CLPB: variants seen among roughly 807,000 people sequenced by gnomAD.
The protein encoded by CLPB is mitochondrial disaggregase.
Under a neutral mutation model 78.4 loss-of-function variants are expected in CLPB, and 40 were observed. The ratio of observed to expected loss-of-function variants is 0.51; its 90% CI spans 0.40 to 0.66. CLPB has a LOEUF of 0.66. Among genes scored for constraint, CLPB ranks in the 30% least tolerant of loss-of-function variants. The pLI is 0.00. For synonymous variants in CLPB, 333 were observed against 348.0 expected (o/e 0.96, Z 0.48); for missense variants, 780 against 886.9 (o/e 0.88, Z 1.53).
At chr11:72,374,953 G>T (rs1012709008) in intron 4 of CLPB, among the ~76,000 whole-genome samples, 5 of 152,148 alleles carry the variant, frequency 3.3e-5, no homozygotes, top group African/African-American at 1.2e-4. Flanking sequence ...ACTCCTTTGA[G>T]CTCTCCAGAC....
Position 72,295,447 on chromosome 11 carries a change from G to A in CLPB, c.1486+45C>T, listed in dbSNP as rs559434286. On this transcript the variant is annotated intron_variant, in intron 12 of 15. Transcript: ENST00000538039. The stretch of plus-strand genomic sequence containing the variant: ...CCCATCCTTCCCCAGGAGATAGGCT[G>A]GTGGCTTGGTCACTGGACCAGACTG... 8.8e-6 allele frequency: 14 copies of A among 1,596,092 alleles called. No individual in the cohort carries two copies. The Admixed American group carries it at 2.0e-4, about 23-fold the overall frequency.
chr11:72,324,005 A>T (rs1315106659), intron 6 of CLPB, among the ~76,000 whole-genome samples: 1 of 152,140 alleles, frequency 6.6e-6, no homozygotes, highest in Non-Finnish European at 1.5e-5. Flanking sequence ...AGCAAGTATG[A>T]TAAGATGTTA....
chr11:72,303,658 A>G (rs926670042), intron 9 of CLPB, among the ~76,000 whole-genome samples: 2 of 152,224 alleles, frequency 1.3e-5, no homozygotes, highest in African/African-American at 4.8e-5. Context: ...GGGGGAAAGC[A>G]CTGCTATCAG....
chr11:72,396,770 A>G (rs1347331377), intron 3 of CLPB, among the ~76,000 whole-genome samples: 3 of 152,232 alleles, frequency 2.0e-5, no homozygotes, highest in Non-Finnish European at 4.4e-5. Flanking sequence ...ATCATCAACA[A>G]TAAGAATTCA....
chr11:72,298,385 C>T (rs978916771), intron 11 of CLPB, among the ~76,000 whole-genome samples: 1 of 152,210 alleles, frequency 6.6e-6, no homozygotes, highest in South Asian at 2.1e-4. Flanking sequence ...TTTTAGCTGC[C>T]TGTCTCCGCA....
At chr11:72,326,527 T>A (rs999746285) in intron 6 of CLPB, among the ~76,000 whole-genome samples, 8 of 152,248 alleles carry the variant, frequency 5.3e-5, no homozygotes, top group Non-Finnish European at 8.8e-5. Flanking sequence ...ACAAGTTTTC[T>A]ATGAGCATAA....
At chr11:72,386,537 A>G (rs999021978) in intron 3 of CLPB, among the ~76,000 whole-genome samples, 2 of 152,236 alleles carry the variant, frequency 1.3e-5, no homozygotes, top group African/African-American at 4.8e-5. Context: ...CAACAGGCAC[A>G]GTATCTGATT....
chr11:72,306,137 C>G (rs187808011), intron 9 of CLPB, among the ~76,000 whole-genome samples: 1 of 152,196 alleles, frequency 6.6e-6, no homozygotes. Flanking sequence ...GGGTCTGCTC[C>G]AGGTTTGGTG....
At chr11:72,431,607 G>A (rs1856547107) in intron 1 of CLPB, among the ~76,000 whole-genome samples, 2 of 152,114 alleles carry the variant, frequency 1.3e-5, no homozygotes, top group South Asian at 2.1e-4. Flanking sequence ...TTACCTTACC[G>A]GATGTACCTA....
At chr11:72,431,831 C>T (rs1243798687) in intron 1 of CLPB, among the ~76,000 whole-genome samples, 4 of 152,212 alleles carry the variant, frequency 2.6e-5, no homozygotes, top group African/African-American at 4.8e-5. Context: ...AACTCTAAGT[C>T]AGGGGACAGG....
At chr11:72,409,723 A>G (rs1855818547) in intron 2 of CLPB, among the ~76,000 whole-genome samples, 1 of 152,184 alleles carries the variant, frequency 6.6e-6, no homozygotes, top group Non-Finnish European at 1.5e-5. Flanking sequence ...CACACCTGTA[A>G]TCCCAGCACT....
In CLPB at chr11:72,293,447, T is replaced by C; in HGVS notation, c.1954A>G (p.Ile652Val). The C allele has an allele frequency of 6.2e-7, 1 of 1,614,116 alleles. No homozygotes were observed. Among genetic ancestry groups the C allele is most frequent in the Non-Finnish European group, 8.5e-7 (1 of 1,180,002 alleles). ...EKRLPKLRLE[I>V]IDKDSKTRRL... is the part of the protein sequence containing the mutation. ...CGAGTCTTGCTGTCCTTGTCGATGA[T>C]CTCCAGACGCAGCTTGGGGAGGCGC... is the stretch of plus-strand genomic sequence containing the variant. The change falls in exon 16 of 16, where the codon ATC becomes GTC. Residue 652 changes from isoleucine to valine, a missense_variant. Ile to Val is a conservative substitution (Grantham distance 29, BLOSUM62 3). Transcript: ENST00000538039.
chr11:72,286,230 T>G lies in CLPB; in HGVS notation c.*7137A>C, dbSNP rs1254229596. 1 of 134,076 alleles carries G rather than the reference T, an allele frequency of 7.5e-6. No homozygotes were observed. Among genetic ancestry groups the G allele is most frequent in the Non-Finnish European group, 1.6e-5 (1 of 62,396 alleles). The allele number at this position is 134,076 out of a possible 1,614,324, so 8.3% of individuals were successfully genotyped here. ...GTGTGAGATACTGCACCTGTTTTTT[T>G]TTTTTTTTTTTTTTTTAAGAGATAG... On this transcript the variant is annotated 3_prime_UTR_variant, in exon 16 of 16. Coordinates refer to ENST00000538039, the MANE Select transcript of CLPB (RefSeq NM_001258392.3).
chr11:72,325,620 G>C (rs1373296890), intron 6 of CLPB, among the ~76,000 whole-genome samples: 5 of 152,112 alleles, frequency 3.3e-5, no homozygotes, highest in African/African-American at 1.2e-4. Flanking sequence ...TAAAAAATTA[G>C]GCTTATGGAT....
intron 5 of CLPB, among the ~76,000 whole-genome samples, chr11:72,355,838 C>A (rs996507541): frequency 6.6e-6 from 1 of 152,170 alleles, no homozygotes; most frequent in South Asian, 2.1e-4. Context: ...GTCTGGGGAC[C>A]CTAAATCCCT....
intron 5 of CLPB, among the ~76,000 whole-genome samples, chr11:72,346,600 G>A (rs899415991): frequency 7.4e-5 from 11 of 149,536 alleles, no homozygotes; most frequent in African/African-American, 2.5e-4. Flanking sequence ...AAAAAAAAAA[G>A]ATGGAGATAT....
intron 5 of CLPB, among the ~76,000 whole-genome samples, chr11:72,332,164 C>T (rs915632953): frequency 1.3e-5 from 2 of 151,932 alleles, no homozygotes; most frequent in Non-Finnish European, 2.9e-5. Flanking sequence ...ACAATTCACA[C>T]ACCATAAAAT....
At chr11:72,351,933 C>T (rs898544405) in intron 5 of CLPB, among the ~76,000 whole-genome samples, 1 of 152,068 alleles carries the variant, frequency 6.6e-6, no homozygotes, top group Non-Finnish European at 1.5e-5. Context: ...ACAAAAAGTA[C>T]ATAAGGATAC....
At chr11:72,372,650 A>G (rs1951065176) in intron 4 of CLPB, among the ~76,000 whole-genome samples, 1 of 152,216 alleles carries the variant, frequency 6.6e-6, no homozygotes, top group African/African-American at 2.4e-5. Flanking sequence ...GTCCCACCCC[A>G]GACATACTCA....
Sources: gnomAD v4.1 joint callset for allele counts (sites outside exome capture counted in the v4.1 genomes callset) on GRCh38, gnomAD v4.1.1 for gene constraint, MANE v1.5 for transcripts, NCBI Gene and HGNC (gene_info 2026-07-23, HGNC 2026-07-21) for gene names.